The following PCDHGA9 variants were observed in gnomAD, a reference collection of about 807,000 sequenced individuals.
PCDHGA9 encodes the protein protocadherin gamma-A9.
In PCDHGA9, 37 loss-of-function variants were observed where a neutral mutation model predicts 62.5. The ratio of observed to expected loss-of-function variants is 0.59; its 90% CI spans 0.46 to 0.78. The LOEUF (loss-of-function observed/expected upper bound fraction) is 0.78, where lower values mean the gene tolerates loss of function less well. PCDHGA9 is among the 30% of genes least tolerant of loss of function. The pLI is 0.00. For missense variants in PCDHGA9, 1,138 were observed against 1,166.2 expected (o/e 0.98, Z 0.35); for synonymous variants, 459 against 484.6 (o/e 0.95, Z 0.69).
Position 141,476,752 on chromosome 5 carries a change from A to T in PCDHGA9, c.2425-18055A>T, listed in dbSNP as rs771355583. On this transcript the variant is annotated intron_variant, in intron 1 of 3. Coordinates refer to ENST00000573521, the MANE Select transcript of PCDHGA9 (RefSeq NM_018921.3). This position sits in a 1 kb window ranked among gnomAD's most constrained non-coding sequence, Gnocchi z 7.6. ...GAGAACGGGAGCCTAGTCTCCAGTTAGTGCTGACGGCGTTGGACGGAGGGA... is the reference window on the plus strand; with the variant it reads ...GAGAACGGGAGCCTAGTCTCCAGTTTGTGCTGACGGCGTTGGACGGAGGGA... 1.2e-6 allele frequency: 2 copies of T among 1,613,926 alleles called. No individual in the cohort carries two copies. Among genetic ancestry groups the T allele is most frequent in the South Asian group, 2.2e-5 (2 of 91,080 alleles).
intron 1 of PCDHGA9, among the ~76,000 whole-genome samples, chr5:141,492,781 T>C (rs945023154): frequency 9.9e-5 from 15 of 152,194 alleles, no homozygotes; most frequent in African/African-American, 3.6e-4. Flanking sequence ...TGAGTGAGCC[T>C]CTATAGGACA....
chr5:141,411,258 A>G (rs1415319110), intron 1 of PCDHGA9: 1 of 152,200 alleles, frequency 6.6e-6, no homozygotes, highest in African/African-American at 2.4e-5. Flanking sequence ...TATCTTATTT[A>G]TATATTTTTA....
intron 2 of PCDHGA9, among the ~76,000 whole-genome samples, chr5:141,500,212 ATT>A (rs1336187706): frequency 5.4e-5 from 8 of 148,798 alleles, no homozygotes; most frequent in African/African-American, 2.0e-4. Context: ...TTATTTATTT[ATT>A]TATTTATTTA....
chr5:141,435,979 C>T (rs1036607924), intron 1 of PCDHGA9, among the ~76,000 whole-genome samples: 4 of 152,008 alleles, frequency 2.6e-5, no homozygotes, highest in Non-Finnish European at 5.9e-5. Flanking sequence ...TGTGGTTCTA[C>T]TTGTGTGATT....
At chr5:141,492,121 C>G (rs1205499685) in intron 1 of PCDHGA9, among the ~76,000 whole-genome samples, 1 of 152,232 alleles carries the variant, frequency 6.6e-6, no homozygotes, top group Non-Finnish European at 1.5e-5. Context: ...CGATTTCTCC[C>G]CAGCTCCCAG....
At chr5:141,413,352 G>T in intron 1 of PCDHGA9, 11 of 1,613,976 alleles carry the variant, frequency 6.8e-6, no homozygotes, top group Non-Finnish European at 9.3e-6. Flanking sequence ...TGGGTCTGGC[G>T]CCCCGGGAGC....
chr5:141,419,809 A>G (rs1181621732), intron 1 of PCDHGA9: 2 of 1,613,916 alleles, frequency 1.2e-6, no homozygotes, highest in African/African-American at 2.7e-5. Flanking sequence ...GAGATGGAGG[A>G]CAGCCACCCC....
Position 141,493,508 on chromosome 5 carries a change from C to T in PCDHGA9, c.2425-1299C>T, listed in dbSNP as rs2099748607. 1.3e-5 allele frequency among the ~76,000 whole-genome samples: 2 copies of T among 152,284 alleles called. No homozygotes were observed. The highest frequency in any genetic ancestry group is 4.1e-4 in the South Asian group (2 of 4,820). On this transcript the variant is annotated intron_variant, in intron 1 of 3. Transcript: ENST00000573521. The surrounding 1 kb of genome is among the most constrained non-coding windows in gnomAD (Gnocchi z 4.3). Reference sequence around the variant, plus strand: ...TCTTCTGTGGCTCCTCATTTCTGAGCAGTCCCCGCAGCGCAAACTTGGCCA... The same window carrying T: ...TCTTCTGTGGCTCCTCATTTCTGAGTAGTCCCCGCAGCGCAAACTTGGCCA...
At chr5:141,438,053 C>T (rs1023159995) in intron 1 of PCDHGA9, among the ~76,000 whole-genome samples, 2 of 152,112 alleles carry the variant, frequency 1.3e-5, no homozygotes, top group African/African-American at 4.8e-5. Context: ...TTTGAGTTCA[C>T]TTTTAAGAAA....
At chr5:141,462,893 G>A (rs577241413) in intron 1 of PCDHGA9, among the ~76,000 whole-genome samples, 68 of 152,170 alleles carry the variant, frequency 4.5e-4, no homozygotes, top group African/African-American at 1.4e-3. Context: ...AGTTTGTTTT[G>A]GAAGGCTATT....
chr5:141,488,480 C>A (rs935896624), intron 1 of PCDHGA9, among the ~76,000 whole-genome samples: 6 of 152,298 alleles, frequency 3.9e-5, no homozygotes, highest in African/African-American at 1.4e-4. Flanking sequence ...GTTCCCCTAC[C>A]CAAAAACTGT....
At position 141,494,787 on chromosome 5, in the gene PCDHGA9, T is replaced by G. The variant is rs763990551; in HGVS notation, c.2425-20T>G. The G allele has an allele frequency of 6.2e-7, 1 of 1,614,044 alleles. No individual in the cohort carries two copies. Among genetic ancestry groups the G allele is most frequent in the Non-Finnish European group, 8.5e-7 (1 of 1,179,990 alleles). On this transcript the variant is annotated intron_variant, in intron 1 of 3. Transcript: ENST00000573521. ...ACTTCTCACGGGTACTCAGCCCCTT[T>G]CCCTCTGTTTTCTCCACAGCAAGCC...
chr5:141,479,333 G>A (rs2154577502), intron 1 of PCDHGA9: 1 of 152,652 alleles, frequency 6.6e-6, no homozygotes, highest in East Asian at 1.9e-4. Context: ...TCAGTGGTGT[G>A]CACCTGTAGT....
At chr5:141,439,947 T>C (rs2098140958) in intron 1 of PCDHGA9, 1 of 152,516 alleles carries the variant, frequency 6.6e-6, no homozygotes, top group Non-Finnish European at 1.5e-5. Flanking sequence ...TTCTCTATGA[T>C]GCAGATCCGT....
chr5:141,432,991 C>T lies in PCDHGA9; in HGVS notation c.2424+27615C>T. ...CGGCGTCGCACTTTGTGGGCGTGGA[C>T]GGGGTGCAGGCTTTCCTGCAGACCT... is the stretch of plus-strand genomic sequence containing the variant. On this transcript the variant is annotated intron_variant, in intron 1 of 3. Coordinates refer to ENST00000573521, the MANE Select transcript of PCDHGA9 (RefSeq NM_018921.3). This position sits in a 1 kb window ranked among gnomAD's most constrained non-coding sequence, Gnocchi z 6.0. 6.2e-7 allele frequency: 1 copy of T among 1,614,200 alleles called. No individual in the cohort carries two copies. The highest frequency in any genetic ancestry group is 8.5e-7 in the Non-Finnish European group (1 of 1,180,030).
rs1308625182 is a variant in PCDHGA9 at position 141,404,865 on chromosome 5, T to C, written c.1913T>C (p.Leu638Pro). 7.4e-6 allele frequency: 12 copies of C among 1,613,552 alleles called. No individual in the cohort carries two copies. Among genetic ancestry groups the C allele is most frequent in the Non-Finnish European group, 1.0e-5 (12 of 1,179,856 alleles). The stretch of plus-strand genomic sequence containing the variant: ...CGGGCCCTGCTAGATAGAGATGCGC[T>C]CAAACAGAGCCTTGTGGTGGCTGTA... ...TARALLDRDALKQSLVVAVQD... is the reference protein window; with the variant it reads ...TARALLDRDAPKQSLVVAVQD... The change falls in exon 1 of 4, where the codon CTC (leucine) becomes CCC (proline). Residue 638 changes from leucine (L) to proline (P), a missense_variant. Physicochemically the swap from Leu to Pro is moderately conservative, Grantham distance 98. Transcript: ENST00000573521.
intron 1 of PCDHGA9, among the ~76,000 whole-genome samples, chr5:141,472,561 T>C (rs1000220187): frequency 2.6e-5 from 4 of 151,632 alleles, no homozygotes; most frequent in African/African-American, 9.7e-5. Flanking sequence ...AATTATATTA[T>C]AAATGCTGCA....
In PCDHGA9 at chr5:141,489,406, A is replaced by T; in HGVS notation, c.2425-5401A>T. 6.2e-7 allele frequency: 1 copy of T among 1,614,166 alleles called. No individual in the cohort carries two copies. Among genetic ancestry groups the T allele is most frequent in the Non-Finnish European group, 8.5e-7 (1 of 1,180,028 alleles). Reference sequence around the variant, plus strand: ...TGTTGCTCAGGATCTGGGCTTAAAGATGACAGATCTGTTGAGCCGGCGGCT... The same window carrying T: ...TGTTGCTCAGGATCTGGGCTTAAAGTTGACAGATCTGTTGAGCCGGCGGCT... On this transcript the variant is annotated intron_variant, in intron 1 of 3. Coordinates refer to ENST00000573521, the MANE Select transcript of PCDHGA9 (RefSeq NM_018921.3). This position sits in a 1 kb window ranked among gnomAD's most constrained non-coding sequence, Gnocchi z 4.5.
At chr5:141,414,489 G>A (rs754325517) in intron 1 of PCDHGA9, 33 of 1,613,754 alleles carry the variant, frequency 2.0e-5, no homozygotes, top group Middle Eastern at 1.6e-4. Flanking sequence ...CTCTATCAAC[G>A]GAAGCTCACT....
Sources: allele counts gnomAD v4.1 joint callset (sites outside exome capture counted in the v4.1 genomes callset), GRCh38; gene constraint gnomAD v4.1.1; non-coding constraint Gnocchi (gnomAD v3.1); transcripts MANE v1.5; gene names NCBI Gene and HGNC (gene_info 2026-07-23, HGNC 2026-07-21).